The following DDX46 variants were observed in gnomAD, a reference collection of about 807,000 sequenced individuals.
The protein encoded by DDX46 is probable ATP-dependent RNA helicase DDX46.
Under a neutral mutation model 134.9 loss-of-function variants are expected in DDX46, and 30 were observed. That is an observed-to-expected ratio of 0.22 (90% CI 0.17 to 0.30). The LOEUF is 0.30. Among genes scored for constraint, DDX46 ranks in the 10% least tolerant of loss-of-function variants. The probability of loss-of-function intolerance (pLI) is 1.00; values close to 1 mark genes in which losing one functional copy is unlikely to be tolerated. For missense variants in DDX46, 622 were observed against 1,248.7 expected (o/e 0.50, Z 7.56); for synonymous variants, 415 against 404.1 (o/e 1.03, Z -0.32).
chr5:134,763,767 C>T (rs1753469687), intron 1 of DDX46, 137 bp from the exon 2 acceptor site: 6 of 1,045,970 alleles, frequency 5.7e-6, no homozygotes, highest in East Asian at 2.6e-5. Flanking sequence ...TTTTTTCCCT[C>T]CTAATTTTAG....
Position 134,828,775 on chromosome 5 carries a change from C to T in DDX46, c.*69C>T. ...TGTGGCAGTTGCTGTCTGCAGTTTACAATGTATTGTAAATGAAGATTTTTT... is the reference window on the plus strand; with the variant it reads ...TGTGGCAGTTGCTGTCTGCAGTTTATAATGTATTGTAAATGAAGATTTTTT... On this transcript the variant is annotated 3_prime_UTR_variant, in exon 23 of 23. Transcript: ENST00000452510. The T allele has an allele frequency of 8.8e-7, 1 of 1,133,974 alleles. No homozygotes were observed. Among genetic ancestry groups the T allele is most frequent in the East Asian group, 2.9e-5 (1 of 35,084 alleles). 70.2% of individuals were successfully genotyped at this position (1,133,974 alleles called of 1,614,324 possible).
chr5:134,818,733 A>G lies in DDX46; in HGVS notation c.2833-127A>G, dbSNP rs917614220. The G allele has an allele frequency of 1.2e-5, 7 of 568,546 alleles. No homozygotes were observed. In the Admixed American group the frequency reaches 1.6e-4, roughly 13 times the overall value. 35.2% of individuals were successfully genotyped at this position (568,546 alleles called of 1,614,324 possible). ...GAAAAAAAAAAAAGAATATATATAT[A>G]TGGAGAGAGAGAGAGAGAGAGAGAC... is the stretch of plus-strand genomic sequence containing the variant. On this transcript the variant is annotated intron_variant, in intron 20 of 22. Coordinates refer to ENST00000452510, the MANE Select transcript of DDX46 (RefSeq NM_001300860.2).
chr5:134,797,678 C>T (rs1754708699), intron 15 of DDX46, among the ~76,000 whole-genome samples: 2 of 152,154 alleles, frequency 1.3e-5, no homozygotes, highest in South Asian at 4.1e-4. Context: ...AGAGTGTCAT[C>T]CCACATGCAG....
chr5:134,782,937 T>C lies in DDX46; in HGVS notation c.1046-8T>C, dbSNP rs1371414048. On this transcript the variant is annotated splice_region_variant and splice_polypyrimidine_tract_variant and intron_variant, in intron 8 of 22. Coordinates refer to ENST00000452510, the MANE Select transcript of DDX46 (RefSeq NM_001300860.2). Reference sequence around the variant, plus strand: ...TTAAGAACTTTTAATCTGGGTTTTGTTTTGTAGAGGTAAATGTGTTTCGAT... The same window carrying C: ...TTAAGAACTTTTAATCTGGGTTTTGCTTTGTAGAGGTAAATGTGTTTCGAT... 1.2e-6 allele frequency: 2 copies of C among 1,611,448 alleles called. No homozygotes were observed. Among genetic ancestry groups the C allele is most frequent in the Non-Finnish European group, 1.7e-6 (2 of 1,178,928 alleles).
chr5:134,811,088 C>T (rs1755129310), intron 16 of DDX46, 133 bp from the exon 17 acceptor site: 1 of 691,772 alleles, frequency 1.4e-6, no homozygotes, highest in Non-Finnish European at 2.3e-6. Flanking sequence ...AAGACTCTTT[C>T]GTGGCTTTTA....
At chr5:134,826,595 T>C (rs947910959) in intron 21 of DDX46, 7 of 166,708 alleles carry the variant, frequency 4.2e-5, no homozygotes, top group Non-Finnish European at 9.0e-5. Flanking sequence ...TAATAAATAC[T>C]TACTAAATGA....
chr5:134,811,162 A>T, intron 16 of DDX46, 59 bp from the exon 17 acceptor site: 1 of 1,479,700 alleles, frequency 6.8e-7, no homozygotes, highest in African/African-American at 1.4e-5. Flanking sequence ...TTATCTTATG[A>T]TCTAAGTAGG....
At chr5:134,766,158 T>C (rs899332176) in intron 2 of DDX46, among the ~76,000 whole-genome samples, 1 of 152,208 alleles carries the variant, frequency 6.6e-6, no homozygotes, top group African/African-American at 2.4e-5. Context: ...ATCCTTATAC[T>C]TAGGTTTAGG....
rs147912954 is a variant in DDX46 at position 134,803,376 on chromosome 5, A to C, written c.1955-4372A>C. On this transcript the variant is annotated intron_variant, in intron 15 of 22. Transcript: ENST00000452510. The stretch of plus-strand genomic sequence containing the variant: ...TCTGTAGCTTAGGGGTCAGCCAGAT[A>C]GTTGGGCAGCATATATACGCACAGT... 9.9e-5 allele frequency among the ~76,000 whole-genome samples: 15 copies of C among 151,984 alleles called. No homozygotes were observed. The East Asian group carries it at 2.9e-3, about 29-fold the overall frequency.
chr5:134,812,491 A>G lies in DDX46; in HGVS notation c.2436+646A>G, dbSNP rs188444256. Among the ~76,000 whole-genome samples the G allele has an allele frequency of 2.5e-3, 367 of 149,166 alleles. 1 individual carries two copies. Among genetic ancestry groups the G allele is most frequent in the African/African-American group, 7.9e-3 (325 of 41,370 alleles). On this transcript the variant is annotated intron_variant, in intron 18 of 22. Transcript: ENST00000452510. The stretch of plus-strand genomic sequence containing the variant: ...ACTTAAGTTCAGAAAATAATTTTGG[A>G]AATCAGAAATTCAACCTGATCTTAT...
intron 1 of DDX46, among the ~76,000 whole-genome samples, chr5:134,760,563 A>G (rs1445740605): frequency 6.6e-6 from 1 of 152,178 alleles, no homozygotes; most frequent in Non-Finnish European, 1.5e-5. Context: ...CTTAGCAGCA[A>G]TGAGTAAGAT....
Position 134,823,038 on chromosome 5 carries a change from T to C in DDX46, c.2978-3909T>C, listed in dbSNP as rs146152364. On this transcript the variant is annotated intron_variant, in intron 21 of 22. Transcript: ENST00000452510. ...GCTATGAGTATTCTTTGTTTCCTCA[T>C]TCAAGTAATCTAGGGTTCTTTCACT... 2.0e-4 allele frequency among the ~76,000 whole-genome samples: 30 copies of C among 152,298 alleles called. No individual in the cohort carries two copies. In the East Asian group the frequency reaches 5.6e-3, roughly 28 times the overall value.
At chr5:134,770,836 T>C in intron 3 of DDX46, 67 bp from the exon 4 acceptor site, 1 of 1,378,726 alleles carries the variant, frequency 7.3e-7, no homozygotes, top group Non-Finnish European at 9.8e-7. Context: ...AAAAAAAGTA[T>C]TTAAAAATGA....
At chr5:134,781,081 A>G (rs1561858278) in intron 6 of DDX46, 52 bp from the exon 7 acceptor site, 3 of 1,325,798 alleles carry the variant, frequency 2.3e-6, no homozygotes, top group East Asian at 2.5e-5. Context: ...CAGCAGTCAT[A>G]TAACTTGTGT....
intron 3 of DDX46, among the ~76,000 whole-genome samples, chr5:134,770,246 T>G (rs778919312): frequency 3.0e-4 from 45 of 151,004 alleles, no homozygotes; most frequent in Non-Finnish European, 5.8e-4. Context: ...GGTCTCACTT[T>G]GTCACCCAAG....
At position 134,764,084 on chromosome 5, in the gene DDX46, G is replaced by A. The variant is rs761183185; in HGVS notation, c.198G>A (p.Lys66=). Residue 66 remains lysine (K), a synonymous_variant, in exon 2 of 23, where the codon AAG becomes AAA. Coordinates refer to ENST00000452510, the MANE Select transcript of DDX46 (RefSeq NM_001300860.2). ...GAAGATCTCGGTCAAGGGACAGGAA[G>A]CGTCTGAGGTAAGACATTAATTAAT... ...DKRRSRSRDR[K]RLRRSRSRER... is the part of the protein sequence containing the mutation. 4 of 1,610,924 alleles carry A rather than the reference G, an allele frequency of 2.5e-6. No homozygotes were observed. The South Asian group carries it at 4.4e-5, about 18-fold the overall frequency.
chr5:134,821,478 T>C (rs1313518556), intron 21 of DDX46, among the ~76,000 whole-genome samples: 1 of 150,660 alleles, frequency 6.6e-6, no homozygotes, highest in Non-Finnish European at 1.5e-5. Flanking sequence ...TGCCCCACCG[T>C]GTTAAAGCAA....
In DDX46 at chr5:134,816,586, T is replaced by C. The variant is rs1195539427; in HGVS notation, c.2593T>C (p.Leu865=). Residue 865 remains leucine, a synonymous_variant, in exon 19 of 23, where the codon TTG becomes CTG. Coordinates refer to ENST00000452510, the MANE Select transcript of DDX46 (RefSeq NM_001300860.2). ...TCTTAGAATCAATGCCCAGAAGAAT[T>C]TGGGCATCGAGTCTCAGGTATTAAG... is the stretch of plus-strand genomic sequence containing the variant. ...LALRINAQKN[L]GIESQVDVMQ... 10 of 1,613,328 alleles carry C rather than the reference T, an allele frequency of 6.2e-6. No individual in the cohort carries two copies. Among genetic ancestry groups the C allele is most frequent in the African/African-American group, 2.7e-5 (2 of 74,910 alleles).
intron 3 of DDX46, among the ~76,000 whole-genome samples, chr5:134,768,703 G>A (rs922622678): frequency 2.6e-5 from 4 of 152,060 alleles, no homozygotes; most frequent in Admixed American, 1.3e-4. Flanking sequence ...ATGAGATGCC[G>A]TAAGTTGGGG....
Sources: allele counts gnomAD v4.1 joint callset (sites outside exome capture counted in the v4.1 genomes callset), GRCh38; gene constraint gnomAD v4.1.1; transcripts MANE v1.5; gene names NCBI Gene and HGNC (gene_info 2026-07-23, HGNC 2026-07-21).